Variants in PLPPR1 observed in about 807,000 individuals in gnomAD.
PLPPR1 encodes phospholipid phosphatase related 1.
In PLPPR1, 10 loss-of-function variants were observed where a neutral mutation model predicts 33.1. The ratio of observed to expected loss-of-function variants is 0.30; its 90% confidence interval spans 0.19 to 0.51. The LOEUF (loss-of-function observed/expected upper bound fraction) is 0.51, where lower values mean the gene tolerates loss of function less well. PLPPR1 is among the 20% of genes least tolerant of loss of function. The pLI is 0.97. For missense variants in PLPPR1, 304 were observed against 408.1 expected (o/e 0.74, Z 2.20); for synonymous variants, 151 against 151.0 (o/e 1.00, Z 0.00).
At chr9:101,277,663 C>T (rs926052893) in intron 3 of PLPPR1, among the ~76,000 whole-genome samples, 1 of 152,154 alleles carries the variant, frequency 6.6e-6, no homozygotes, top group Non-Finnish European at 1.5e-5. Context: ...CTTCATTTGA[C>T]AGATGAGAAA....
At chr9:101,303,066 A>G (rs1281698740) in intron 4 of PLPPR1, among the ~76,000 whole-genome samples, 1 of 152,158 alleles carries the variant, frequency 6.6e-6, no homozygotes, top group Non-Finnish European at 1.5e-5. Flanking sequence ...AGCTCACTGC[A>G]ACCTCCGCCT....
intron 2 of PLPPR1, among the ~76,000 whole-genome samples, chr9:101,214,162 G>A (rs1826741086): frequency 6.6e-6 from 1 of 152,154 alleles, no homozygotes; most frequent in Non-Finnish European, 1.5e-5. Context: ...GAAGGACTGA[G>A]GATTAGGTCA....
At chr9:101,110,067 T>C (rs1030535859) in intron 1 of PLPPR1, among the ~76,000 whole-genome samples, 1 of 151,984 alleles carries the variant, frequency 6.6e-6, no homozygotes, top group Non-Finnish European at 1.5e-5. Context: ...TTTTAAATTA[T>C]CATCTTCAAA....
Position 101,147,627 on chromosome 9 carries a change from G to A in PLPPR1, c.-45-37823G>A, listed in dbSNP as rs117964745. On this transcript the variant is annotated intron_variant, in intron 1 of 7. Transcript: ENST00000374874. ...GACATATGTGGAGAAGAGAGAAGAC[G>A]TAGTTTCAGGAATTGGAGGTGACTG... Among the ~76,000 whole-genome samples, 9 of 152,284 alleles carry A rather than the reference G, an allele frequency of 5.9e-5. No homozygotes were observed. In the East Asian group the frequency reaches 7.7e-4, roughly 13 times the overall value.
At chr9:101,226,206 G>A (rs749977092) in intron 2 of PLPPR1, among the ~76,000 whole-genome samples, 18 of 152,066 alleles carry the variant, frequency 1.2e-4, no homozygotes, top group Non-Finnish European at 2.2e-4. Flanking sequence ...TTATTACAAG[G>A]AGGCAGAAAA....
chr9:101,277,580 C>T (rs1297122341), intron 3 of PLPPR1, among the ~76,000 whole-genome samples: 2 of 152,184 alleles, frequency 1.3e-5, no homozygotes, highest in Non-Finnish European at 2.9e-5. Context: ...CGAGCCCTCT[C>T]TTTTTGGCTC....
chr9:101,107,843 G>C (rs1830994496), intron 1 of PLPPR1, among the ~76,000 whole-genome samples: 3 of 150,658 alleles, frequency 2.0e-5, no homozygotes, highest in Admixed American at 1.3e-4. Context: ...GTGGGATATA[G>C]TCTCGTGGTG....
rs759232206 is a variant in PLPPR1 at position 101,309,316 on chromosome 9, A to G, written c.491A>G (p.Tyr164Cys). Residue 164 changes from tyrosine to cysteine, a missense_variant, in exon 5 of 8, where the codon TAC becomes TGC. Tyr to Cys is a radical substitution (Grantham distance 194). Transcript: ENST00000374874. ...PYFLTVCKPNYTSADCQAHHQ... is the reference protein window; with the variant it reads ...PYFLTVCKPNCTSADCQAHHQ... ...TTCCTGACTGTGTGCAAGCCAAACT[A>G]CACCAGTGCAGACTGCCAAGCGCAC... is the stretch of plus-strand genomic sequence containing the variant. 1 of 1,614,208 alleles carries G rather than the reference A, an allele frequency of 6.2e-7. No individual in the cohort carries two copies. The highest frequency in any genetic ancestry group is 8.5e-7 in the Non-Finnish European group (1 of 1,180,040).
rs144749932 is a variant in PLPPR1 at position 101,323,991 on chromosome 9, T to G, written c.946-34T>G. On this transcript the variant is annotated intron_variant, in intron 7 of 7. Coordinates refer to ENST00000374874, the MANE Select transcript of PLPPR1 (RefSeq NM_207299.2). ...AGTGTGCACGTGTCAGGCAACCCTA[T>G]CTCAGATTTTATCTGCTTGTGTTTG... The G allele has an allele frequency of 1.2e-4, 194 of 1,606,942 alleles. No homozygotes were observed. The African/African-American group carries it at 2.2e-3, about 18-fold the overall frequency.
At chr9:101,055,564 A>G (rs1033457157) in intron 1 of PLPPR1, among the ~76,000 whole-genome samples, 3 of 152,232 alleles carry the variant, frequency 2.0e-5, no homozygotes, top group African/African-American at 4.8e-5. Context: ...TAAATACTTT[A>G]TGCTATCTTC....
chr9:101,271,710 T>C (rs541173401), intron 3 of PLPPR1, among the ~76,000 whole-genome samples: 17 of 152,228 alleles, frequency 1.1e-4, no homozygotes, highest in African/African-American at 3.9e-4. Context: ...TAGAATTGGG[T>C]CCTGGTTTCT....
chr9:101,120,954 A>G (rs1216195454), intron 1 of PLPPR1, among the ~76,000 whole-genome samples: 2 of 152,224 alleles, frequency 1.3e-5, no homozygotes, highest in Non-Finnish European at 2.9e-5. Context: ...AGCATTTTCT[A>G]AGTTAAACTT....
chr9:101,083,808 C>G (rs753042812), intron 1 of PLPPR1, among the ~76,000 whole-genome samples: 1 of 152,094 alleles, frequency 6.6e-6, no homozygotes, highest in Non-Finnish European at 1.5e-5. Context: ...TTTTAAATAA[C>G]TAAGAGAAAG....
chr9:101,193,437 G>A (rs1189949018), intron 2 of PLPPR1, among the ~76,000 whole-genome samples: 1 of 152,126 alleles, frequency 6.6e-6, no homozygotes, highest in Non-Finnish European at 1.5e-5. Flanking sequence ...AGCCTCACTA[G>A]TAATCTATAA....
At chr9:101,254,026 G>A (rs1181778470) in intron 2 of PLPPR1, among the ~76,000 whole-genome samples, 1 of 152,052 alleles carries the variant, frequency 6.6e-6, no homozygotes, top group Admixed American at 6.6e-5. Context: ...ATGATTAAGA[G>A]TAGAAAATCT....
intron 1 of PLPPR1, among the ~76,000 whole-genome samples, chr9:101,090,223 G>T (rs1380987487): frequency 2.0e-5 from 3 of 152,062 alleles, no homozygotes; most frequent in African/African-American, 7.2e-5. Flanking sequence ...GGATAAATCT[G>T]CAAAGACCCC....
At position 101,324,157 on chromosome 9, in the gene PLPPR1, C is replaced by T. The variant is rs1399559478; in HGVS notation, c.*100C>T. 1.4e-5 allele frequency: 14 copies of T among 973,230 alleles called. No individual in the cohort carries two copies. Among genetic ancestry groups the T allele is most frequent in the East Asian group, 7.6e-5 (3 of 39,220 alleles). 60.3% of individuals were successfully genotyped at this position (973,230 alleles called of 1,614,324 possible). ...TGTCAAACTGTGATGACAAATATTACGTTTATCTAGTTAGAAGCTAATGTT... is the reference window on the plus strand; with the variant it reads ...TGTCAAACTGTGATGACAAATATTATGTTTATCTAGTTAGAAGCTAATGTT... On this transcript the variant is annotated 3_prime_UTR_variant, in exon 8 of 8. Coordinates refer to ENST00000374874, the MANE Select transcript of PLPPR1 (RefSeq NM_207299.2).
intron 3 of PLPPR1, among the ~76,000 whole-genome samples, chr9:101,285,523 A>G (rs1828378628): frequency 6.6e-6 from 1 of 152,224 alleles, no homozygotes; most frequent in South Asian, 2.1e-4. Flanking sequence ...GTCCTCACTT[A>G]ATGTTGTGGT....
intron 2 of PLPPR1, among the ~76,000 whole-genome samples, chr9:101,192,393 C>A (rs1826311801): frequency 2.0e-5 from 3 of 152,178 alleles, no homozygotes; most frequent in Admixed American, 2.0e-4. Context: ...GAAGAGAAAA[C>A]AATTTGATGT....
Sources: gnomAD v4.1 joint callset for allele counts (sites outside exome capture counted in the v4.1 genomes callset) on GRCh38, gnomAD v4.1.1 for gene constraint, MANE v1.5 for transcripts, NCBI Gene and HGNC (gene_info 2026-07-23, HGNC 2026-07-21) for gene names.